Variants in AFF3 observed in about 807,000 individuals in gnomAD.
AFF3 encodes ALF transcription elongation factor 3.
In AFF3, 32 loss-of-function variants were observed where a neutral mutation model predicts 129.7. The ratio of observed to expected loss-of-function variants is 0.25; its 90% CI spans 0.19 to 0.33. The LOEUF (loss-of-function observed/expected upper bound fraction) is 0.33. AFF3 is among the 10% of genes least tolerant of loss of function. The pLI is 1.00. For synonymous variants in AFF3, 644 were observed against 635.4 expected (o/e 1.01, Z -0.20); for missense variants, 1,373 against 1,592.0 (o/e 0.86, Z 2.34).
intron 7 of AFF3, among the ~76,000 whole-genome samples, chr2:99,902,476 T>C (rs978811448): frequency 2.0e-5 from 3 of 152,130 alleles, no homozygotes; most frequent in Non-Finnish European, 4.4e-5. Flanking sequence ...CTCAACTCAA[T>C]GCAGGTGTCC....
intron 7 of AFF3, among the ~76,000 whole-genome samples, chr2:99,904,243 A>G (rs985839898): frequency 6.6e-6 from 1 of 152,150 alleles, no homozygotes; most frequent in South Asian, 2.1e-4. Flanking sequence ...CCAATACACA[A>G]TGCAAAACAG....
At chr2:100,103,025 G>C (rs1690862044) in intron 4 of AFF3, among the ~76,000 whole-genome samples, 1 of 150,794 alleles carries the variant, frequency 6.6e-6, no homozygotes, top group Non-Finnish European at 1.5e-5. Context: ...GCCCGTCCTT[G>C]TGTGTTTTAC....
chr2:99,866,994 TAATAATAAA>T (rs1361630554), intron 7 of AFF3, among the ~76,000 whole-genome samples: 3,028 of 110,194 alleles, frequency 0.027, 122 homozygotes, highest in African/African-American at 0.09. Context: ...ATAATAATAA[TAATAATAAA>T]AAATAAATAA....
chr2:99,714,390 C>T (rs1678189499), intron 11 of AFF3, among the ~76,000 whole-genome samples: 1 of 152,132 alleles, frequency 6.6e-6, no homozygotes, highest in African/African-American at 2.4e-5. Context: ...GAGGCCCTTT[C>T]TATTTTATTT....
intron 8 of AFF3, among the ~76,000 whole-genome samples, chr2:99,795,724 G>A (rs946309814): frequency 3.3e-5 from 5 of 150,916 alleles, no homozygotes; most frequent in South Asian, 2.1e-4. Flanking sequence ...TATTTCTTAC[G>A]TGTAGCAACT....
At chr2:100,008,640 C>T (rs1682204514) in intron 5 of AFF3, among the ~76,000 whole-genome samples, 172 bp downstream of exon 5, 1 of 152,190 alleles carries the variant, frequency 6.6e-6, no homozygotes, top group Non-Finnish European at 1.5e-5. Context: ...GAACCACACA[C>T]CTCAATTTCT....
chr2:100,130,565 C>G (rs1692388957), intron 1 of AFF3, among the ~76,000 whole-genome samples: 1 of 152,230 alleles, frequency 6.6e-6, no homozygotes, highest in Non-Finnish European at 1.5e-5. Context: ...CACTGCCTGC[C>G]CAAATCTTAT....
At chr2:100,064,878 T>C (rs892868085) in intron 4 of AFF3, among the ~76,000 whole-genome samples, 1 of 152,188 alleles carries the variant, frequency 6.6e-6, no homozygotes, top group African/African-American at 2.4e-5. Context: ...ATACTCTCCA[T>C]ATACATCAGC....
intron 7 of AFF3, among the ~76,000 whole-genome samples, chr2:99,842,996 C>G (rs1397819922): frequency 1.3e-5 from 2 of 152,220 alleles, no homozygotes; most frequent in Non-Finnish European, 2.9e-5. Context: ...TGTTTATCTT[C>G]AAGCACTCAA....
chr2:99,919,531 A>G (rs1232029877), intron 7 of AFF3, among the ~76,000 whole-genome samples: 2 of 152,142 alleles, frequency 1.3e-5, no homozygotes, highest in Non-Finnish European at 2.9e-5. Flanking sequence ...CATTTTTAGA[A>G]AACTGATATT....
At chr2:100,014,913 A>G (rs1682875039) in intron 4 of AFF3, among the ~76,000 whole-genome samples, 1 of 147,602 alleles carries the variant, frequency 6.8e-6, no homozygotes, top group Non-Finnish European at 1.5e-5. Flanking sequence ...CCTCCCGAGT[A>G]GCTGGGACTA....
intron 7 of AFF3, among the ~76,000 whole-genome samples, chr2:99,940,930 C>T (rs1029124474): frequency 6.6e-6 from 1 of 152,078 alleles, no homozygotes; most frequent in Non-Finnish European, 1.5e-5. Context: ...GTTTGTCATA[C>T]CCCCACCTGT....
At chr2:99,670,908 C>T (rs994483991) in intron 12 of AFF3, among the ~76,000 whole-genome samples, 1 of 152,090 alleles carries the variant, frequency 6.6e-6, no homozygotes, top group Admixed American at 6.5e-5. Context: ...ACAATATTAT[C>T]AATGAGTACA....
At chr2:99,915,486 T>C (rs1695414575) in intron 7 of AFF3, among the ~76,000 whole-genome samples, 1 of 152,028 alleles carries the variant, frequency 6.6e-6, no homozygotes, top group Admixed American at 6.6e-5. Context: ...GAACTGAGAA[T>C]GGGAGTAAAA....
intron 13 of AFF3, among the ~76,000 whole-genome samples, chr2:99,621,138 T>C (rs567739284): frequency 6.6e-6 from 1 of 152,362 alleles, no homozygotes; most frequent in African/African-American, 2.4e-5. Flanking sequence ...ATTTCTATTT[T>C]AATTCTTTCT....
At chr2:99,903,770 T>A (rs1041209992) in intron 7 of AFF3, among the ~76,000 whole-genome samples, 1 of 152,166 alleles carries the variant, frequency 6.6e-6, no homozygotes, top group Non-Finnish European at 1.5e-5. Context: ...CTGTCTTGAG[T>A]CACATCCATT....
intron 4 of AFF3, among the ~76,000 whole-genome samples, chr2:100,056,895 T>C (rs1686833432): frequency 1.3e-5 from 2 of 152,186 alleles, no homozygotes; most frequent in African/African-American, 4.8e-5. Context: ...CTCTTTACTC[T>C]GAAAAGTGTC....
chr2:99,688,166 G>A (rs1675258376), intron 11 of AFF3, among the ~76,000 whole-genome samples: 1 of 152,036 alleles, frequency 6.6e-6, no homozygotes, highest in Admixed American at 6.6e-5. Context: ...CTATCAGTAT[G>A]GACTCTTGCA....
At chr2:99,680,777 A>G (rs1674447736) in intron 11 of AFF3, among the ~76,000 whole-genome samples, 1 of 152,298 alleles carries the variant, frequency 6.6e-6, no homozygotes, top group Admixed American at 6.5e-5. Flanking sequence ...GGCTGCTGTT[A>G]TTGATAAGTT....
Sources: allele counts gnomAD v4.1 joint callset (sites outside exome capture counted in the v4.1 genomes callset), GRCh38; gene constraint gnomAD v4.1.1; transcripts MANE v1.5; gene names NCBI Gene and HGNC (gene_info 2026-07-23, HGNC 2026-07-21).